The following RBFOX1 variants were observed in gnomAD, a reference collection of about 807,000 sequenced individuals.
RBFOX1 encodes the protein RNA binding fox-1 homolog 1, also known as RNA binding protein fox-1 homolog 1.
In RBFOX1, 8 loss-of-function variants were observed where a neutral mutation model predicts 57.7. That is an observed-to-expected ratio of 0.14 (90% CI 0.08 to 0.25). The LOEUF (loss-of-function observed/expected upper bound fraction) is 0.25, where lower values mean the gene tolerates loss of function less well. Among genes scored for constraint, RBFOX1 ranks in the 10% least tolerant of loss-of-function variants. The pLI, the probability that RBFOX1 is intolerant of heterozygous loss-of-function variation, is 1.00. For synonymous variants in RBFOX1, 326 were observed against 222.4 expected (o/e 1.47, Z -4.15); for missense variants, 611 against 548.5 (o/e 1.11, Z -1.14).
chr16:5,939,650 A>G (rs1391252018), intron 4 of RBFOX1, among the ~76,000 whole-genome samples: 1 of 152,188 alleles, frequency 6.6e-6, no homozygotes, highest in Non-Finnish European at 1.5e-5. Context: ...TATTTATTAG[A>G]GAGTCACTAA....
chr16:6,745,058 T>C (rs2073249070), intron 3 of RBFOX1, among the ~76,000 whole-genome samples: 1 of 152,078 alleles, frequency 6.6e-6, no homozygotes, highest in South Asian at 2.1e-4. Flanking sequence ...TGAACAACCT[T>C]ATTTTATGAT....
At chr16:7,375,051 C>T (rs754570366) in intron 4 of RBFOX1, among the ~76,000 whole-genome samples, 9 of 152,156 alleles carry the variant, frequency 5.9e-5, no homozygotes, top group South Asian at 2.1e-4. Context: ...AGTAGATAGG[C>T]GTATGTTTCA....
chr16:7,310,474 A>T (rs2096282748), intron 4 of RBFOX1, among the ~76,000 whole-genome samples: 1 of 152,100 alleles, frequency 6.6e-6, no homozygotes, highest in Admixed American at 6.5e-5. Context: ...GTAAAAACTG[A>T]CGTTAACTGT....
At chr16:5,608,242 C>G (rs1052387725) in intron 3 of RBFOX1, among the ~76,000 whole-genome samples, 3 of 152,152 alleles carry the variant, frequency 2.0e-5, no homozygotes, top group Non-Finnish European at 4.4e-5. Context: ...CACGGAGGGG[C>G]ACTTTGAGTC....
At chr16:6,221,787 C>G (rs112474783) in intron 1 of RBFOX1, among the ~76,000 whole-genome samples, 8,972 of 152,176 alleles carry the variant, frequency 0.059, 444 homozygotes, top group Non-Finnish European at 0.078. Flanking sequence ...TAAAAACCAT[C>G]AGATCTTGTG....
intron 4 of RBFOX1, among the ~76,000 whole-genome samples, chr16:5,877,575 C>A (rs533470758): frequency 6.6e-6 from 1 of 152,280 alleles, no homozygotes; most frequent in East Asian, 1.9e-4. Context: ...TTGGCTTTGC[C>A]CAGGAAATAA....
intron 3 of RBFOX1, among the ~76,000 whole-genome samples, chr16:5,808,681 A>G (rs962079958): frequency 1.3e-5 from 2 of 152,154 alleles, no homozygotes; most frequent in Non-Finnish European, 2.9e-5. Flanking sequence ...CTTTGAAGCA[A>G]TTGTGAATGG....
At position 6,825,395 on chromosome 16, in the gene RBFOX1, C is replaced by T. The variant is rs190629332; in HGVS notation, c.-16+170745C>T. Among the ~76,000 whole-genome samples the T allele has an allele frequency of 1.9e-3, 293 of 151,712 alleles. 1 individual carries two copies. The highest frequency in any genetic ancestry group is 6.0e-3 in the African/African-American group (247 of 41,324). ...TACACACTTAAAATTCACGAATTAA[C>T]GGAAAAGCCAGAGATTATTCAGCAA... On this transcript the variant is annotated intron_variant, in intron 3 of 15. Coordinates refer to ENST00000550418, the MANE Select transcript of RBFOX1 (RefSeq NM_018723.4).
chr16:6,847,292 C>G (rs1384115889), intron 3 of RBFOX1, among the ~76,000 whole-genome samples: 2 of 152,166 alleles, frequency 1.3e-5, no homozygotes, highest in Non-Finnish European at 2.9e-5. Flanking sequence ...CCAGACTGTG[C>G]TCATTTGGAC....
At chr16:5,791,385 T>A (rs4786777) in intron 3 of RBFOX1, among the ~76,000 whole-genome samples, 1 of 152,028 alleles carries the variant, frequency 6.6e-6, no homozygotes, top group African/African-American at 2.4e-5. Flanking sequence ...AGTCATTATT[T>A]TAAGGCCTTT....
At chr16:6,806,028 T>G (rs994624563) in intron 3 of RBFOX1, among the ~76,000 whole-genome samples, 6 of 152,186 alleles carry the variant, frequency 3.9e-5, no homozygotes, top group African/African-American at 9.7e-5. Flanking sequence ...ACTCAAAATA[T>G]TTGCTAGTTG....
chr16:5,914,659 G>A (rs1030805673), intron 4 of RBFOX1, among the ~76,000 whole-genome samples: 1 of 152,210 alleles, frequency 6.6e-6, no homozygotes, highest in Non-Finnish European at 1.5e-5. Context: ...CACTTTGGGA[G>A]GCCCAGGCGG....
At chr16:6,893,249 C>T (rs1376324130) in intron 3 of RBFOX1, among the ~76,000 whole-genome samples, 7 of 152,266 alleles carry the variant, frequency 4.6e-5, no homozygotes, top group South Asian at 2.1e-4. Flanking sequence ...CAGCTTCTCC[C>T]AGAAGAACAC....
intron 3 of RBFOX1, among the ~76,000 whole-genome samples, chr16:5,839,392 G>A: frequency 6.6e-6 from 1 of 152,182 alleles, no homozygotes; most frequent in East Asian, 1.9e-4. Flanking sequence ...TTGGTTTATG[G>A]CCCTAATTCC....
intron 2 of RBFOX1, among the ~76,000 whole-genome samples, chr16:6,418,959 G>C (rs185767688): frequency 3.7e-4 from 56 of 152,214 alleles, no homozygotes; most frequent in African/African-American, 1.3e-3. Context: ...AAGTGATTTT[G>C]GAAAAAGCGT....
chr16:5,518,566 A>C (rs1156516089), intron 2 of RBFOX1, among the ~76,000 whole-genome samples: 2 of 152,258 alleles, frequency 1.3e-5, no homozygotes, highest in African/African-American at 4.8e-5. Flanking sequence ...GAGTAGATTA[A>C]GAAATGAGAG....
chr16:5,569,330 C>T (rs918798209), intron 2 of RBFOX1, among the ~76,000 whole-genome samples: 3 of 151,484 alleles, frequency 2.0e-5, no homozygotes, highest in Non-Finnish European at 2.9e-5. Context: ...TTTTCTCTCA[C>T]CTCAGGCAAA....
At chr16:6,856,815 G>A (rs2057995206) in intron 3 of RBFOX1, among the ~76,000 whole-genome samples, 1 of 152,082 alleles carries the variant, frequency 6.6e-6, no homozygotes, top group Non-Finnish European at 1.5e-5. Flanking sequence ...TTTAAGCATT[G>A]CGATTGTCAA....
At chr16:6,588,836 G>C (rs766141155) in intron 2 of RBFOX1, among the ~76,000 whole-genome samples, 6 of 152,104 alleles carry the variant, frequency 3.9e-5, no homozygotes, top group Non-Finnish European at 7.4e-5. Context: ...AGGCCATGCT[G>C]TCTCACTGCC....
Sources: gnomAD v4.1 joint callset for allele counts (sites outside exome capture counted in the v4.1 genomes callset) on GRCh38, gnomAD v4.1.1 for gene constraint, MANE v1.5 for transcripts, NCBI Gene and HGNC (gene_info 2026-07-23, HGNC 2026-07-21) for gene names.